Variants in FREM2 observed in about 807,000 individuals in gnomAD.
FREM2 encodes the protein FRAS1 related extracellular matrix 2.
Under a neutral mutation model 219.9 loss-of-function variants are expected in FREM2, and 119 were observed. That is an observed-to-expected ratio of 0.54 (90% CI 0.47 to 0.63). The LOEUF (loss-of-function observed/expected upper bound fraction) is 0.63, where lower values mean the gene tolerates loss of function less well. Among genes scored for constraint, FREM2 ranks in the 30% least tolerant of loss-of-function variants. FREM2 has a pLI of 0.00. For missense variants in FREM2, 4,030 were observed against 3,993.6 expected (o/e 1.01, Z -0.25); for synonymous variants, 1,562 against 1,522.8 (o/e 1.03, Z -0.60).
At chr13:38,876,190 G>T in intron 19 of FREM2, 41 bp downstream of exon 19, 1 of 1,613,900 alleles carries the variant, frequency 6.2e-7, no homozygotes, top group South Asian at 1.1e-5. Flanking sequence ...TTCTGCTGCT[G>T]CCATCTGATT....
At chr13:38,815,018 C>T (rs1020342634) in intron 6 of FREM2, among the ~76,000 whole-genome samples, 2 of 152,152 alleles carry the variant, frequency 1.3e-5, no homozygotes, top group Non-Finnish European at 2.9e-5. Flanking sequence ...AGAATCTAGA[C>T]CTTGACTCAG....
intron 4 of FREM2, among the ~76,000 whole-genome samples, chr13:38,779,855 C>T (rs2137826142): frequency 6.6e-6 from 1 of 152,278 alleles, no homozygotes. Flanking sequence ...AACAACTGAT[C>T]ACTCCCTTTT....
At chr13:38,744,499 T>A (rs1284894098) in intron 2 of FREM2, among the ~76,000 whole-genome samples, 4 of 152,002 alleles carry the variant, frequency 2.6e-5, no homozygotes, top group African/African-American at 9.7e-5. Flanking sequence ...TTATTATTAT[T>A]ATTATTTTGA....
chr13:38,848,329 A>C (rs932794997), intron 7 of FREM2, 132 bp from the exon 8 acceptor site: 8 of 723,828 alleles, frequency 1.1e-5, no homozygotes, highest in African/African-American at 1.1e-4. Flanking sequence ...TATTAAATGT[A>C]CTTTTCTGTA....
intron 1 of FREM2, among the ~76,000 whole-genome samples, chr13:38,696,727 G>C (rs913116573): frequency 5.3e-5 from 8 of 151,996 alleles, no homozygotes; most frequent in African/African-American, 1.7e-4. Context: ...ACAAATGTAT[G>C]CATGTGAATT....
chr13:38,829,100 A>G (rs1876409723), intron 6 of FREM2, among the ~76,000 whole-genome samples: 1 of 152,166 alleles, frequency 6.6e-6, no homozygotes, highest in African/African-American at 2.4e-5. Context: ...ATATGCTGTC[A>G]TAATCCCTAA....
Position 38,691,305 on chromosome 13 carries a change from A to C in FREM2, c.3961A>C (p.Ile1321Leu). ...AGAAATAGAAATTGGGGATACCAAG[A>C]TTATCAACAACAAAATATTAATGGC... ...GLEIEIGDTKIINNKILMATD... is the reference protein window; with the variant it reads ...GLEIEIGDTKLINNKILMATD... The change falls in exon 1 of 24, where the codon ATT becomes CTT. Residue 1321 changes from isoleucine (I) to leucine (L), a missense_variant. By Grantham distance (5) the Ile-to-Leu change is conservative. Coordinates refer to ENST00000280481, the MANE Select transcript of FREM2 (RefSeq NM_207361.6). 1 of 1,614,076 alleles carries C rather than the reference A, an allele frequency of 6.2e-7. No homozygotes were observed. Among genetic ancestry groups the C allele is most frequent in the Non-Finnish European group, 8.5e-7 (1 of 1,179,916 alleles).
At chr13:38,775,650 C>T (rs1296591808) in intron 4 of FREM2, among the ~76,000 whole-genome samples, 1 of 152,176 alleles carries the variant, frequency 6.6e-6, no homozygotes, top group East Asian at 1.9e-4. Context: ...GGCAGAGTCT[C>T]ACTCTGTCAC....
At chr13:38,759,045 GA>G (rs1555265550) in intron 2 of FREM2, among the ~76,000 whole-genome samples, 1 of 152,036 alleles carries the variant, frequency 6.6e-6, no homozygotes, top group Non-Finnish European at 1.5e-5. Flanking sequence ...AAACAATAAC[GA>G]AAATCAAATG....
At chr13:38,874,925 A>G (rs902296371) in intron 18 of FREM2, among the ~76,000 whole-genome samples, 2 of 152,236 alleles carry the variant, frequency 1.3e-5, no homozygotes, top group Non-Finnish European at 2.9e-5. Context: ...ATCGAATTGC[A>G]GATGATTCAT....
chr13:38,819,461 G>A (rs1301809365), intron 6 of FREM2, among the ~76,000 whole-genome samples: 1 of 152,148 alleles, frequency 6.6e-6, no homozygotes, highest in East Asian at 1.9e-4. Flanking sequence ...AGCACAGGGA[G>A]CTGTGGCAGG....
intron 12 of FREM2, 48 bp from the exon 13 acceptor site, chr13:38,857,827 A>G: frequency 6.5e-7 from 1 of 1,533,350 alleles, no homozygotes. Context: ...TAGAAGCATC[A>G]AAAGTTTAAT....
At chr13:38,765,199 C>T (rs1043134611) in intron 3 of FREM2, among the ~76,000 whole-genome samples, 3 of 152,142 alleles carry the variant, frequency 2.0e-5, no homozygotes, top group East Asian at 1.9e-4. Flanking sequence ...CGTGAGCCAC[C>T]GCGCCCGGCC....
chr13:38,721,740 T>A (rs1317193298), intron 2 of FREM2, among the ~76,000 whole-genome samples: 1 of 152,204 alleles, frequency 6.6e-6, no homozygotes, highest in Non-Finnish European at 1.5e-5. Flanking sequence ...TTCTTTTTGG[T>A]AAGTCAATTA....
At chr13:38,762,063 G>A (rs1034126818) in intron 2 of FREM2, among the ~76,000 whole-genome samples, 2 of 152,190 alleles carry the variant, frequency 1.3e-5, no homozygotes, top group African/African-American at 4.8e-5. Context: ...CATGCGTGGC[G>A]TGGCAGGGCA....
chr13:38,832,037 AG>A (rs1275841393), intron 6 of FREM2, among the ~76,000 whole-genome samples: 1 of 152,118 alleles, frequency 6.6e-6, no homozygotes, highest in Non-Finnish European at 1.5e-5. Context: ...TGAGTAGGCC[AG>A]GGACAGTGGC....
chr13:38,722,361 AAT>A (rs10689108), intron 2 of FREM2, among the ~76,000 whole-genome samples: 11 of 149,770 alleles, frequency 7.3e-5, no homozygotes, highest in Admixed American at 1.3e-4. Context: ...CGTCCAGCCC[AAT>A]ATATATATAT....
At chr13:38,813,472 C>T (rs1467082773) in intron 6 of FREM2, among the ~76,000 whole-genome samples, 1 of 6,142 alleles carries the variant, frequency 1.6e-4, no homozygotes, top group Non-Finnish European at 3.5e-4. Context: ...TTTTCTCTCT[C>T]TCTCTCTCTC....
rs1174828015 is a variant in FREM2, at chr13:38,880,696, G to T, written c.9419G>T (p.Ser3140Ile). The T allele has an allele frequency of 6.2e-6, 10 of 1,614,190 alleles. No individual in the cohort carries two copies. Among genetic ancestry groups the T allele is most frequent in the Non-Finnish European group, 7.6e-6 (9 of 1,180,038 alleles). The change falls in exon 24 of 24, where the codon AGT becomes ATT. Residue 3140 changes from serine to isoleucine, a missense_variant. By Grantham distance (142) the Ser-to-Ile change is moderately radical. This residue lies in a region of FREM2 where 928 missense variants were observed against 1,042.9 expected (regional missense o/e 0.89). Transcript: ENST00000280481. The stretch of plus-strand genomic sequence containing the variant: ...GTGCTGATGTGCAGGGGCAAGGAAA[G>T]TTTCAGGGGGAAGGATGCCCCGAAA... ...IAVLMCRGKE[S>I]FRGKDAPKGS...
Sources: allele counts gnomAD v4.1 joint callset (sites outside exome capture counted in the v4.1 genomes callset), GRCh38; gene constraint gnomAD v4.1.1; regional missense constraint gnomAD v4.1.1; transcripts MANE v1.5; gene names NCBI Gene and HGNC (gene_info 2026-07-23, HGNC 2026-07-21).